MTA3: variants seen among roughly 807,000 people sequenced by gnomAD.
The protein encoded by MTA3 is metastasis-associated protein MTA3.
A neutral mutation model predicts 83.5 loss-of-function variants in MTA3; 34 were observed. That is an observed-to-expected ratio of 0.41 (90% CI 0.31 to 0.54). The LOEUF (loss-of-function observed/expected upper bound fraction) is 0.54. Among genes scored for constraint, MTA3 ranks in the 20% least tolerant of loss-of-function variants. The pLI, the probability that MTA3 is intolerant of heterozygous loss-of-function variation, is 0.33. For synonymous variants in MTA3, 303 were observed against 252.7 expected (o/e 1.20, Z -1.89); for missense variants, 761 against 726.4 (o/e 1.05, Z -0.55).
intron 8 of MTA3, among the ~76,000 whole-genome samples, chr2:42,667,576 G>GTGTGTGTGTGTGTGTGTGTGTT (rs1690353649): frequency 2.5e-4 from 31 of 124,398 alleles, no homozygotes; most frequent in East Asian, 4.4e-4. Flanking sequence ...AAAATTGTGT[G>GTGTGTGTGTGTGTGTGTGTGTT]TGTGTGTGTG....
At chr2:42,560,676 G>T (rs1677632690) in intron 2 of MTA3, among the ~76,000 whole-genome samples, 1 of 151,964 alleles carries the variant, frequency 6.6e-6, no homozygotes, top group Non-Finnish European at 1.5e-5. Flanking sequence ...AGGCTGAGGT[G>T]GGCGGATCAC....
intron 2 of MTA3, among the ~76,000 whole-genome samples, chr2:42,560,744 GA>G (rs1024832241): frequency 5.3e-4 from 76 of 143,804 alleles, no homozygotes; most frequent in East Asian, 2.0e-3. Context: ...ATCTCTACTG[GA>G]AAAAAAAAAA....
chr2:42,749,198 G>A (rs1669676881), intron 16 of MTA3, among the ~76,000 whole-genome samples: 1 of 152,172 alleles, frequency 6.6e-6, no homozygotes. Context: ...TCCTCTGCAG[G>A]ATCTCCTCCC....
At chr2:42,518,284 G>A (rs756869216) in intron 2 of MTA3, among the ~76,000 whole-genome samples, 5 of 152,130 alleles carry the variant, frequency 3.3e-5, no homozygotes, top group Non-Finnish European at 5.9e-5. Flanking sequence ...GGGCTCCTTG[G>A]AAAAATAAAC....
chr2:42,591,552 CAACTT>C (rs1261764465), intron 3 of MTA3, among the ~76,000 whole-genome samples: 3 of 152,270 alleles, frequency 2.0e-5, no homozygotes, highest in East Asian at 1.9e-4. Flanking sequence ...CTTGTAATAA[CAACTT>C]AAAACACAAA....
chr2:42,587,809 C>A (rs889579367), intron 3 of MTA3, among the ~76,000 whole-genome samples: 2 of 152,064 alleles, frequency 1.3e-5, no homozygotes, highest in Admixed American at 6.6e-5. Flanking sequence ...GCTGTGTTGG[C>A]CAGATTGGTC....
At chr2:42,720,196 T>A (rs771198747) in intron 15 of MTA3, among the ~76,000 whole-genome samples, 3 of 147,704 alleles carry the variant, frequency 2.0e-5, no homozygotes, top group Admixed American at 1.3e-4. Context: ...TTATTTATTT[T>A]TTTTGAGACG....
At chr2:42,618,638 C>A (rs574009008) in intron 4 of MTA3, among the ~76,000 whole-genome samples, 2 of 151,710 alleles carry the variant, frequency 1.3e-5, no homozygotes, top group Non-Finnish European at 2.9e-5. Flanking sequence ...AACAGAGTCT[C>A]GCTCTGTTGC....
chr2:42,630,074 C>A (rs559963575), intron 4 of MTA3, among the ~76,000 whole-genome samples: 1 of 151,972 alleles, frequency 6.6e-6, no homozygotes, highest in African/African-American at 2.4e-5. Context: ...ACACACCCGG[C>A]AAAAAACAAT....
At chr2:42,708,815 C>T in intron 13 of MTA3, 59 bp from the exon 14 acceptor site, 1 of 1,567,594 alleles carries the variant, frequency 6.4e-7, no homozygotes, top group South Asian at 1.1e-5. Flanking sequence ...ATGATGCAAA[C>T]AGTAACGTGT....
At chr2:42,718,355 C>T (rs1011958936) in intron 14 of MTA3, among the ~76,000 whole-genome samples, 1 of 151,494 alleles carries the variant, frequency 6.6e-6, no homozygotes, top group African/African-American at 2.4e-5. Context: ...TCAAGCAATT[C>T]TCCTGCCTCA....
intron 2 of MTA3, among the ~76,000 whole-genome samples, chr2:42,559,857 C>G (rs892267255): frequency 6.6e-6 from 1 of 151,360 alleles, no homozygotes; most frequent in Non-Finnish European, 1.5e-5. Context: ...GAGATTGAGC[C>G]GCTGCACTCC....
chr2:42,582,990 C>G (rs1157448824), intron 3 of MTA3, among the ~76,000 whole-genome samples: 3 of 151,994 alleles, frequency 2.0e-5, no homozygotes, highest in Non-Finnish European at 2.9e-5. Context: ...TTCATAACTT[C>G]TTAGTGATTT....
chr2:42,696,118 C>T (rs915333663), intron 10 of MTA3, among the ~76,000 whole-genome samples: 3 of 152,062 alleles, frequency 2.0e-5, no homozygotes, highest in African/African-American at 4.8e-5. Flanking sequence ...CTTTGTAGTT[C>T]ATGGCAATGA....
rs1409469733 is a variant in MTA3 at position 42,549,362 on chromosome 2, C to T, written c.-140-21075C>T. On this transcript the variant is annotated intron_variant, in intron 2 of 17. Coordinates refer to the MTA3 transcript ENST00000405592. ...GTATACATTATATATTACATATATACGTATATACGTATATAAAATATATGT... is the reference window on the plus strand; with the variant it reads ...GTATACATTATATATTACATATATATGTATATACGTATATAAAATATATGT... Among the ~76,000 whole-genome samples, 19 of 106,572 alleles carry T rather than the reference C, an allele frequency of 1.8e-4. No individual in the cohort carries two copies. The South Asian group carries it at 3.2e-3, about 18-fold the overall frequency. 69.9% of individuals were successfully genotyped at this position (106,572 alleles called of 152,430 possible). A position where few individuals can be genotyped will look rare whatever the true frequency, so the allele number is the denominator to read the frequency against.
intron 2 of MTA3, among the ~76,000 whole-genome samples, chr2:42,557,197 C>T (rs1416471769): frequency 2.6e-5 from 4 of 151,970 alleles, no homozygotes; most frequent in Non-Finnish European, 5.9e-5. Context: ...GAGCAGATAT[C>T]GCACCACTGC....
chr2:42,527,017 G>GATAA (rs1230395641), intron 2 of MTA3, among the ~76,000 whole-genome samples: 1 of 122,992 alleles, frequency 8.1e-6, no homozygotes, highest in Non-Finnish European at 1.6e-5. Flanking sequence ...TCCCGCCACT[G>GATAA]CACTCCAGCC....
chr2:42,753,818 A>G lies in MTA3; in HGVS notation c.*419A>G, dbSNP rs564123466. The G allele has an allele frequency of 8.0e-6, 8 of 1,004,886 alleles. No homozygotes were observed. The Admixed American group carries it at 2.3e-4, about 29-fold the overall frequency. The allele number at this position is 1,004,886 out of a possible 1,614,324, so 62.2% of individuals were successfully genotyped here. On this transcript the variant is annotated 3_prime_UTR_variant, in exon 17 of 17. Coordinates refer to ENST00000405094, the MANE Select transcript of MTA3 (RefSeq NM_001330442.2). ...GTCTTATGCTGTATAGTTACTAAAT[A>G]TGTACAGGAGGGCCATGGCATCTTT...
At chr2:42,665,217 C>T (rs186990972) in intron 8 of MTA3, among the ~76,000 whole-genome samples, 138 of 152,196 alleles carry the variant, frequency 9.1e-4, no homozygotes, top group African/African-American at 3.1e-3. Flanking sequence ...CATAGTGAAA[C>T]CCCATCTCTA....
Sources: allele counts gnomAD v4.1 joint callset (sites outside exome capture counted in the v4.1 genomes callset), GRCh38; gene constraint gnomAD v4.1.1; transcripts MANE v1.5; gene names NCBI Gene and HGNC (gene_info 2026-07-23, HGNC 2026-07-21).